The following ARK2N variants were observed in gnomAD, a reference collection of about 807,000 sequenced individuals.
ARK2N encodes the protein protein ARK2N.
the ARK2N span, among the ~76,000 whole-genome samples, chr18:46,176,832 G>A: frequency 5.9e-5 from 9 of 152,236 alleles, no homozygotes; most frequent in South Asian, 1.0e-3. Context: ...GGTCAGGCTG[G>A]TCTCGAACTC....
the ARK2N span, among the ~76,000 whole-genome samples, chr18:46,220,454 C>T: frequency 6.6e-6 from 1 of 152,068 alleles, no homozygotes; most frequent in Non-Finnish European, 1.5e-5. Flanking sequence ...TTAACTCTTG[C>T]TTAGAAATTT....
At chr18:46,226,333 A>G in the ARK2N span, among the ~76,000 whole-genome samples, 7 of 152,276 alleles carry the variant, frequency 4.6e-5, no homozygotes, top group Admixed American at 6.5e-5. Flanking sequence ...TTTTATTTTG[A>G]GCTTTAATTT....
the ARK2N span, among the ~76,000 whole-genome samples, chr18:46,257,073 TTTG>T: frequency 4.5e-4 from 68 of 152,356 alleles, no homozygotes; most frequent in African/African-American, 1.6e-3. Flanking sequence ...TCCACATCTT[TTTG>T]TTCTCATTTG....
At chr18:46,190,007 G>A in the ARK2N span, among the ~76,000 whole-genome samples, 2 of 152,210 alleles carry the variant, frequency 1.3e-5, no homozygotes, top group Non-Finnish European at 2.9e-5. Context: ...TGAGAGGCAG[G>A]TTGGAAATTC....
the ARK2N span, among the ~76,000 whole-genome samples, chr18:46,223,655 CTT>C: frequency 6.6e-6 from 1 of 152,224 alleles, no homozygotes; most frequent in South Asian, 2.1e-4. Context: ...TTATAAGACT[CTT>C]GATGTAGGTT....
chr18:46,201,006 G>A, the ARK2N span, among the ~76,000 whole-genome samples: 1 of 140,248 alleles, frequency 7.1e-6, no homozygotes, highest in Non-Finnish European at 1.5e-5. Context: ...TTGAGACAGG[G>A]TCTTGCTCTG....
the ARK2N span, among the ~76,000 whole-genome samples, chr18:46,241,487 C>T: frequency 3.3e-5 from 5 of 152,130 alleles, no homozygotes; most frequent in Admixed American, 6.6e-5. Flanking sequence ...TTTGGGAGGC[C>T]GACGTGGGAG....
At chr18:46,234,839 A>AT in the ARK2N span, among the ~76,000 whole-genome samples, 2 of 152,002 alleles carry the variant, frequency 1.3e-5, no homozygotes, top group African/African-American at 2.4e-5. Flanking sequence ...AACAAGACAG[A>AT]TTTTTTTTCT....
the ARK2N span, chr18:46,229,005 GAT>G: frequency 2.6e-6 from 1 of 384,990 alleles, no homozygotes; most frequent in Non-Finnish European, 4.6e-6. Context: ...TTGGCAGAAA[GAT>G]AAGGAATGCC....
chr18:46,253,369 T>G, the ARK2N span, among the ~76,000 whole-genome samples: 5 of 151,982 alleles, frequency 3.3e-5, no homozygotes, highest in African/African-American at 1.2e-4. Context: ...ATATATAGAG[T>G]TTGTTATGGT....
At chr18:46,201,035 A>G in the ARK2N span, among the ~76,000 whole-genome samples, 1 of 145,426 alleles carries the variant, frequency 6.9e-6, no homozygotes, top group East Asian at 2.0e-4. Flanking sequence ...GCTGGAGTGC[A>G]GTAGTATGAT....
At chr18:46,240,655 T>C in the ARK2N span, among the ~76,000 whole-genome samples, 3 of 152,322 alleles carry the variant, frequency 2.0e-5, no homozygotes, top group Non-Finnish European at 4.4e-5. Flanking sequence ...ACCCTGTTAA[T>C]TCCTCGTCAG....
At chr18:46,266,491 C>A in the ARK2N span, 1 of 152,552 alleles carries the variant, frequency 6.6e-6, no homozygotes. Flanking sequence ...TTATTTAAAA[C>A]ACTACTTACT....
the ARK2N span, chr18:46,263,152 C>G: frequency 6.5e-7 from 1 of 1,533,900 alleles, no homozygotes; most frequent in East Asian, 2.4e-5. Context: ...GCACTGTTCC[C>G]TTCCACTTCC....
the ARK2N span, chr18:46,263,969 A>G: frequency 6.6e-6 from 1 of 152,328 alleles, no homozygotes; most frequent in African/African-American, 2.4e-5. Context: ...TGGGAAGAAT[A>G]TGAAAAGTTA....
At chr18:46,219,589 C>T in the ARK2N span, among the ~76,000 whole-genome samples, 1 of 151,938 alleles carries the variant, frequency 6.6e-6, no homozygotes, top group African/African-American at 2.4e-5. Context: ...CCTGCCTCAG[C>T]CTCCCAAGTA....
At chr18:46,223,400 GAGGTTTTTGTTT>G in the ARK2N span, among the ~76,000 whole-genome samples, 1 of 152,196 alleles carries the variant, frequency 6.6e-6, no homozygotes, top group African/African-American at 2.4e-5. Flanking sequence ...CCGACTTCAT[GAGGTTTTTGTTT>G]GCTGGATAGA....
the ARK2N span, among the ~76,000 whole-genome samples, chr18:46,185,224 C>A: frequency 6.6e-6 from 1 of 152,100 alleles, no homozygotes. Flanking sequence ...GAACATGATC[C>A]CTGTTTTCAT....
chr18:46,212,133 C>T, the ARK2N span, among the ~76,000 whole-genome samples: 1 of 152,088 alleles, frequency 6.6e-6, no homozygotes, highest in South Asian at 2.1e-4. Flanking sequence ...AGCAAAATTC[C>T]ACTATAGGAA....
Sources: allele counts gnomAD v4.1 joint callset (sites outside exome capture counted in the v4.1 genomes callset), GRCh38; gene constraint gnomAD v4.1.1; transcripts MANE v1.5; gene names NCBI Gene and HGNC (gene_info 2026-07-23, HGNC 2026-07-21).